Variants in DGKH observed in about 807,000 individuals in gnomAD.
DGKH encodes the protein DAG kinase eta.
DGKH carries 90 observed loss-of-function variants against 159.3 expected under a neutral mutation model. The observed-to-expected ratio is 0.57, with a 90% CI of 0.48 to 0.67. The LOEUF (loss-of-function observed/expected upper bound fraction) is 0.67. Ranked by LOEUF, DGKH falls within the 30% of genes least tolerant of loss-of-function variation. The probability of loss-of-function intolerance (pLI) is 0.00; values close to 1 mark genes in which losing one functional copy is unlikely to be tolerated. For missense variants in DGKH, 1,181 were observed against 1,506.1 expected, an observed-to-expected ratio of 0.78 and a Z score of 3.57; for synonymous variants, 536 against 553.8, an observed-to-expected ratio of 0.97 and a Z score of 0.45.
intron 3 of DGKH, among the ~76,000 whole-genome samples, chr13:42,152,365 A>G (rs547485482): frequency 6.6e-6 from 1 of 152,044 alleles, no homozygotes; most frequent in East Asian, 1.9e-4. Flanking sequence ...GTGAAATTGA[A>G]TTCTAGCTTT....
At chr13:42,206,975 T>TTTTCTCTTTCTTTC (rs1555275936) in intron 21 of DGKH, among the ~76,000 whole-genome samples, 2,406 of 82,670 alleles carry the variant, frequency 0.029, 278 homozygotes, top group Middle Eastern at 0.062. Flanking sequence ...TACTTTTACT[T>TTTTCTCTTTCTTTC]TTTCTTTCTT....
At chr13:42,179,860 G>A (rs1008712652) in intron 13 of DGKH, among the ~76,000 whole-genome samples, 3 of 151,682 alleles carry the variant, frequency 2.0e-5, no homozygotes, top group Non-Finnish European at 2.9e-5. Flanking sequence ...TTAAGATTAA[G>A]AATGATAGGG....
intron 1 of DGKH, among the ~76,000 whole-genome samples, chr13:42,098,690 A>C (rs898236504): frequency 6.6e-6 from 1 of 152,216 alleles, no homozygotes; most frequent in African/African-American, 2.4e-5. Flanking sequence ...TGAATATTTC[A>C]TAAATACAAA....
chr13:42,254,656 A>G (rs1958644546), intron 30 of DGKH, among the ~76,000 whole-genome samples: 1 of 152,070 alleles, frequency 6.6e-6, no homozygotes, highest in African/African-American at 2.4e-5. Flanking sequence ...AGAATGTTAT[A>G]TAGTTATACC....
intron 3 of DGKH, among the ~76,000 whole-genome samples, chr13:42,131,797 T>A (rs1187383488): frequency 6.6e-6 from 1 of 152,216 alleles, no homozygotes; most frequent in African/African-American, 2.4e-5. Flanking sequence ...TTGCTAGATA[T>A]TTGAGGGATT....
chr13:42,198,751 A>G (rs931449219), intron 18 of DGKH, among the ~76,000 whole-genome samples, 156 bp downstream of exon 18: 1 of 152,006 alleles, frequency 6.6e-6, no homozygotes, highest in African/African-American at 2.4e-5. Context: ...TGCCAAGCAC[A>G]TTGAGTCTTT....
intron 17 of DGKH, 51 bp downstream of exon 17, chr13:42,195,067 G>A: frequency 6.3e-7 from 1 of 1,590,654 alleles, no homozygotes; most frequent in Admixed American, 1.8e-5. Context: ...CTGTGAAAAG[G>A]TGTAAGTATT....
chr13:42,185,332 C>T (rs1163593507), intron 13 of DGKH, among the ~76,000 whole-genome samples: 1 of 152,202 alleles, frequency 6.6e-6, no homozygotes, highest in Non-Finnish European at 1.5e-5. Context: ...TCCTAACCTT[C>T]ACATGCCCCT....
intron 1 of DGKH, among the ~76,000 whole-genome samples, chr13:42,040,444 T>A (rs1355751367): frequency 6.6e-6 from 1 of 150,736 alleles, no homozygotes; most frequent in African/African-American, 2.4e-5. Flanking sequence ...TTCCGCGCCT[T>A]ATAAGGCCTG....
At chr13:42,043,535 C>T (rs1215486466) in intron 1 of DGKH, among the ~76,000 whole-genome samples, 4 of 151,866 alleles carry the variant, frequency 2.6e-5, no homozygotes, top group Non-Finnish European at 5.9e-5. Flanking sequence ...GAGGTGGGAT[C>T]TGCCCAGGCT....
chr13:42,129,104 T>C (rs1955233784), intron 2 of DGKH, among the ~76,000 whole-genome samples: 1 of 152,194 alleles, frequency 6.6e-6, no homozygotes. Flanking sequence ...ATGAGGAAAA[T>C]AAGGTTCAGA....
chr13:42,061,439 G>A (rs1346189107), intron 1 of DGKH, among the ~76,000 whole-genome samples: 1 of 152,104 alleles, frequency 6.6e-6, no homozygotes, highest in East Asian at 1.9e-4. Flanking sequence ...AAGCCTTACC[G>A]AGGACTCCCA....
At chr13:42,054,100 CATT>C (rs1300217044) in intron 1 of DGKH, among the ~76,000 whole-genome samples, 2 of 152,228 alleles carry the variant, frequency 1.3e-5, no homozygotes, top group Non-Finnish European at 2.9e-5. Context: ...GCCATTAAAA[CATT>C]ATCTTTCATC....
intron 1 of DGKH, among the ~76,000 whole-genome samples, chr13:42,043,205 G>A (rs1196966729): frequency 3.3e-5 from 5 of 151,884 alleles, no homozygotes; most frequent in African/African-American, 9.7e-5. Flanking sequence ...ATGTGTGTGT[G>A]TATATATATA....
At chr13:42,207,073 CT>C (rs1957509385) in intron 21 of DGKH, among the ~76,000 whole-genome samples, 3 of 120,096 alleles carry the variant, frequency 2.5e-5, no homozygotes, top group African/African-American at 9.7e-5. Flanking sequence ...TTCTTTCTTT[CT>C]TTCTTTCTTT....
At position 42,048,929 on chromosome 13, in the gene DGKH, C is replaced by G; in HGVS notation, c.156C>G (p.Ile52Met). The change falls in exon 1 of 30, where the codon ATC becomes ATG. Residue 52 changes from isoleucine (I) to methionine (M), a missense_variant. Ile to Met is a conservative substitution (Grantham distance 10). Transcript: ENST00000337343. The surrounding 1 kb of genome is among the most constrained non-coding windows in gnomAD (Gnocchi z 6.7). Reference protein sequence around the residue: ...EAEQEGPQKLIRKVSTSGQIR... With the variant: ...EAEQEGPQKLMRKVSTSGQIR... Reference sequence around the variant, plus strand: ...AGCAAGAGGGACCCCAGAAACTGATCCGCAAAGTGTCTACCTCGGGGCAGA... The same window carrying G: ...AGCAAGAGGGACCCCAGAAACTGATGCGCAAAGTGTCTACCTCGGGGCAGA... 1 of 1,329,854 alleles carries G rather than the reference C, an allele frequency of 7.5e-7. No individual in the cohort carries two copies. Among genetic ancestry groups the G allele is most frequent in the Non-Finnish European group, 9.7e-7 (1 of 1,032,274 alleles). 82.4% of individuals were successfully genotyped at this position (1,329,854 alleles called of 1,614,324 possible). A position where few individuals can be genotyped will look rare whatever the true frequency, so the allele number is the denominator to read the frequency against.
intron 1 of DGKH, among the ~76,000 whole-genome samples, chr13:42,090,339 A>G (rs9562375): frequency 0.12 from 18,767 of 152,242 alleles, 1,535 homozygotes; most frequent in Admixed American, 0.21. Context: ...AAAGTGACCT[A>G]CAGATTCAGT....
chr13:42,226,321 A>G (rs1389132595), intron 29 of DGKH, among the ~76,000 whole-genome samples: 1 of 152,192 alleles, frequency 6.6e-6, no homozygotes, highest in Non-Finnish European at 1.5e-5. Context: ...GCTGTGGAGA[A>G]ATAGGAAAGC....
At chr13:42,256,257 C>G in intron 30 of DGKH, 1 of 1,583,686 alleles carries the variant, frequency 6.3e-7, no homozygotes, top group Non-Finnish European at 8.7e-7. Context: ...GTGTTACACT[C>G]AGCCAGGCTG....
Sources: allele counts gnomAD v4.1 joint callset (sites outside exome capture counted in the v4.1 genomes callset), GRCh38; gene constraint gnomAD v4.1.1; non-coding constraint Gnocchi (gnomAD v3.1); transcripts MANE v1.5; gene names NCBI Gene and HGNC (gene_info 2026-07-23, HGNC 2026-07-21).